The following SYTL2 variants were observed in gnomAD, a reference collection of about 807,000 sequenced individuals.
SYTL2 encodes synaptotagmin like 2, also known as synaptotagmin-like protein 2.
A neutral mutation model predicts 198.7 loss-of-function variants in SYTL2; 165 were observed. The ratio of observed to expected loss-of-function variants is 0.83; its 90% CI spans 0.73 to 0.94. The LOEUF (loss-of-function observed/expected upper bound fraction) is 0.94. Among genes scored for constraint, SYTL2 ranks in the 40% least tolerant of loss-of-function variants. The pLI, the probability that SYTL2 is intolerant of heterozygous loss-of-function variation, is 0.00. For missense variants in SYTL2, 2,835 were observed against 2,582.8 expected (o/e 1.10, Z -2.12); for synonymous variants, 966 against 917.7 (o/e 1.05, Z -0.95).
intron 1 of SYTL2, among the ~76,000 whole-genome samples, chr11:85,790,695 C>T (rs936681548): frequency 3.3e-5 from 5 of 152,120 alleles, no homozygotes; most frequent in African/African-American, 9.7e-5. Context: ...TGAAGATTCT[C>T]GCTTGTCTGT....
chr11:85,748,201 C>G (rs918688807), intron 3 of SYTL2, 71 bp downstream of exon 3: 10 of 1,502,102 alleles, frequency 6.7e-6, no homozygotes, highest in Non-Finnish European at 7.3e-6. Flanking sequence ...ATTTCTGACA[C>G]CATTCCCTTC....
chr11:85,791,563 T>C (rs1372260551), intron 1 of SYTL2, among the ~76,000 whole-genome samples: 2 of 152,184 alleles, frequency 1.3e-5, no homozygotes, highest in Non-Finnish European at 1.5e-5. Context: ...GTTCTAAAGG[T>C]CAACCAGTTC....
At chr11:85,736,408 TG>T in intron 6 of SYTL2, 92 bp downstream of exon 6, 1 of 666,386 alleles carries the variant, frequency 1.5e-6, no homozygotes, top group South Asian at 2.2e-5. Flanking sequence ...CACTTTCTCT[TG>T]GAAGTTATTT....
intron 17 of SYTL2, among the ~76,000 whole-genome samples, chr11:85,698,392 T>A (rs1307800339): frequency 1.3e-5 from 2 of 152,246 alleles, no homozygotes; most frequent in Non-Finnish European, 2.9e-5. Flanking sequence ...CATTTACAGT[T>A]ATATTCAAAA....
the SYTL2 span, among the ~76,000 whole-genome samples, chr11:85,841,674 T>C: frequency 6.6e-6 from 1 of 152,096 alleles, no homozygotes; most frequent in Non-Finnish European, 1.5e-5. Flanking sequence ...TATCAGAGTA[T>C]GGAGGGTGGG....
Position 85,698,005 on chromosome 11 carries a change from T to A in SYTL2, c.6342A>T (p.Gly2114=). The part of the protein sequence containing the change: ...KECLDLPLLR[G]SHLNSFVKCT... ...ATTTAACAAAAGAATTTAGATGACT[T>A]CCCCTTAGCAGTGGTAGATCAAGGC... The change falls in exon 18 of 20, where the codon GGA becomes GGT. Residue 2114 remains glycine, a synonymous_variant. Transcript: ENST00000359152. The A allele has an allele frequency of 6.2e-7, 1 of 1,613,202 alleles. No homozygotes were observed. The highest frequency in any genetic ancestry group is 2.2e-5 in the East Asian group (1 of 44,868).
intron 3 of SYTL2, among the ~76,000 whole-genome samples, chr11:85,747,965 A>AGG (rs2091273148): frequency 6.6e-6 from 1 of 152,178 alleles, no homozygotes; most frequent in Admixed American, 6.5e-5. Context: ...GAAGATTCTG[A>AGG]ATCTTCAGAG....
At position 85,707,517 on chromosome 11, in the gene SYTL2, T is replaced by C. The variant is rs777687770; in HGVS notation, c.5930A>G (p.Tyr1977Cys). 2.7e-5 allele frequency: 44 copies of C among 1,610,280 alleles called. No individual in the cohort carries two copies. Among genetic ancestry groups the C allele is most frequent in the Non-Finnish European group, 3.3e-5 (39 of 1,177,356 alleles). Residue 1977 changes from tyrosine to cysteine, a missense_variant, in exon 15 of 20, where the codon TAT becomes TGT. This residue lies in a region of SYTL2 where 2,645 missense variants were observed against 2,381.7 expected (regional missense o/e 1.11). Coordinates refer to ENST00000359152, the MANE Select transcript of SYTL2 (RefSeq NM_206927.4). ...KQRSDPYVKA[Y>C]LLPDKGKMGK... ...CATTTTGCCTTTGTCTGGTAGCAAA[T>C]AGGCCTTTACATATCTGAAAAGGAG...
intron 16 of SYTL2, among the ~76,000 whole-genome samples, chr11:85,703,116 A>G (rs560910108): frequency 5.9e-5 from 9 of 152,308 alleles, no homozygotes; most frequent in African/African-American, 1.9e-4. Context: ...AAGTATACAG[A>G]AAAGACCATA....
At chr11:85,852,078 C>A in the SYTL2 span, among the ~76,000 whole-genome samples, 1 of 152,164 alleles carries the variant, frequency 6.6e-6, no homozygotes, top group Admixed American at 6.5e-5. Context: ...GAGAAAAACT[C>A]CTTTAACCAA....
intron 1 of SYTL2, among the ~76,000 whole-genome samples, chr11:85,804,175 T>C (rs1464566263): frequency 6.6e-6 from 1 of 152,216 alleles, no homozygotes. Context: ...ATACTTAAAC[T>C]TTATTAATTA....
At chr11:85,723,211 G>A (rs980569047) in intron 8 of SYTL2, among the ~76,000 whole-genome samples, 2 of 152,062 alleles carry the variant, frequency 1.3e-5, no homozygotes, top group Non-Finnish European at 2.9e-5. Flanking sequence ...CAAAACCAAC[G>A]CCCCCACGTT....
chr11:85,711,766 T>G (rs2086328333), intron 12 of SYTL2, among the ~76,000 whole-genome samples: 1 of 151,940 alleles, frequency 6.6e-6, no homozygotes, highest in Admixed American at 6.6e-5. Flanking sequence ...TATATATATA[T>G]TTTTTAATGT....
intron 3 of SYTL2, among the ~76,000 whole-genome samples, chr11:85,746,192 C>A (rs2091144990): frequency 6.6e-6 from 1 of 152,150 alleles, no homozygotes; most frequent in African/African-American, 2.4e-5. Flanking sequence ...GTTCAAATAT[C>A]TTGTATGTGC....
intron 1 of SYTL2, among the ~76,000 whole-genome samples, chr11:85,795,361 T>C (rs1193357304): frequency 6.6e-6 from 1 of 152,142 alleles, no homozygotes; most frequent in Admixed American, 6.6e-5. Context: ...AGCACACTAA[T>C]GTGAACTGGG....
Position 85,727,877 on chromosome 11 carries a change from G to A in SYTL2, c.1481C>T (p.Pro494Leu), listed in dbSNP as rs367839212. ...DRQQGKPPPLPALKAKTSSRS... is the reference protein window; with the variant it reads ...DRQQGKPPPLLALKAKTSSRS... ...TGAAGATGTCTTAGCTTTTAGAGCCGGGAGAGGAGGGGGCTTACCTTGCTG... is the reference window on the plus strand; with the variant it reads ...TGAAGATGTCTTAGCTTTTAGAGCCAGGAGAGGAGGGGGCTTACCTTGCTG... The change falls in exon 8 of 20, where the codon CCG becomes CTG. Residue 494 changes from proline (P) to leucine (L), a missense_variant. Transcript: ENST00000359152. 29 of 1,613,358 alleles carry A rather than the reference G, an allele frequency of 1.8e-5. 1 individual carries two copies. The highest frequency in any genetic ancestry group is 3.3e-4 in the Middle Eastern group (2 of 6,072).
At chr11:85,803,683 C>A (rs2092921760) in intron 1 of SYTL2, among the ~76,000 whole-genome samples, 1 of 152,170 alleles carries the variant, frequency 6.6e-6, no homozygotes, top group African/African-American at 2.4e-5. Context: ...TTAGAGAACT[C>A]CCCCCAAAGA....
chr11:85,721,146 C>A (rs572607559), intron 8 of SYTL2, among the ~76,000 whole-genome samples, 187 bp from the exon 9 acceptor site: 1 of 152,238 alleles, frequency 6.6e-6, no homozygotes, highest in Non-Finnish European at 1.5e-5. Flanking sequence ...ACATAATTTT[C>A]CTGGTCAAGA....
chr11:85,727,257 G>T lies in SYTL2; in HGVS notation c.2101C>A (p.His701Asn). 1 of 1,535,280 alleles carries T rather than the reference G, an allele frequency of 6.5e-7. No homozygotes were observed. The highest frequency in any genetic ancestry group is 8.7e-7 in the Non-Finnish European group (1 of 1,146,730). The stretch of plus-strand genomic sequence containing the variant: ...TGTCCTCTATTTTCTTCATGAGCAT[G>T]AAACTTGGGTTCTTCTTCACCCAAG... ...GNLGEEEPKFHAHEENRGHSE... is the reference protein window; with the variant it reads ...GNLGEEEPKFNAHEENRGHSE... The change falls in exon 8 of 20, where the codon CAT becomes AAT. Residue 701 changes from histidine (H) to asparagine (N), a missense_variant. This residue lies in a region of SYTL2 where 2,645 missense variants were observed against 2,381.7 expected (regional missense o/e 1.11). Coordinates refer to ENST00000359152, the MANE Select transcript of SYTL2 (RefSeq NM_206927.4).
Sources: gnomAD v4.1 joint callset for allele counts (sites outside exome capture counted in the v4.1 genomes callset) on GRCh38, gnomAD v4.1.1 for gene constraint, gnomAD v4.1.1 regional missense constraint, MANE v1.5 for transcripts, NCBI Gene and HGNC (gene_info 2026-07-23, HGNC 2026-07-21) for gene names.